The following TECRL variants were observed in gnomAD, a reference collection of about 807,000 sequenced individuals.
TECRL encodes the protein trans-2,3-enoyl-CoA reductase like, also known as trans-2,3-enoyl-CoA reductase-like.
In TECRL, 63 loss-of-function variants were observed where a neutral mutation model predicts 52.8. That is an observed-to-expected ratio of 1.19 (90% CI 0.97 to 1.47). TECRL has a LOEUF of 1.47. Ranked by LOEUF, TECRL falls within the 40% of genes most tolerant of loss-of-function variation. The probability of loss-of-function intolerance (pLI) is 0.00; values close to 1 mark genes in which losing one functional copy is unlikely to be tolerated. For synonymous variants in TECRL, 164 were observed against 141.9 expected, an observed-to-expected ratio of 1.16 and a Z score of -1.10; for missense variants, 482 against 429.6, an observed-to-expected ratio of 1.12 and a Z score of -1.08.
intron 2 of TECRL, among the ~76,000 whole-genome samples, chr4:64,336,298 G>A (rs559764669): frequency 5.8e-4 from 88 of 151,742 alleles, no homozygotes; most frequent in South Asian, 1.0e-3. Flanking sequence ...GTTTATTTGC[G>A]TAGAGGTGTT....
rs567557448 is a variant in TECRL, at chr4:64,406,165, C to CGCGT, written c.234+2952_234+2953insACGC. Reference sequence around the variant, plus strand: ...TTTGTTAGGCGCGCGCGCGCGCGCGCGTGTGTGTGTGTGTGTATGTGTGTA... The same window carrying CGCGT: ...TTTGTTAGGCGCGCGCGCGCGCGCGCGCGTGTGTGTGTGTGTGTGTATGTGTGTA... On this transcript the variant is annotated intron_variant, in intron 1 of 11. Transcript: ENST00000381210. 4.6e-3 allele frequency among the ~76,000 whole-genome samples: 676 copies of CGCGT among 146,152 alleles called. 2 individuals are homozygous for CGCGT. Among genetic ancestry groups the CGCGT allele is most frequent in the African/African-American group, 0.012 (465 of 39,282 alleles).
At chr4:64,289,622 G>T (rs1386556253) in intron 9 of TECRL, 88 bp downstream of exon 9, 1 of 1,037,054 alleles carries the variant, frequency 9.6e-7, no homozygotes. Context: ...TTGATATTTT[G>T]ATTTTTAAAG....
Position 64,373,743 on chromosome 4 carries a change from T to C in TECRL, c.286+1429A>G, listed in dbSNP as rs935118648. ...CATTTTCAAATGTCTTCCTACTTACTACTGTAATCTAAACTGTCTGGAGAC... is the reference window on the plus strand; with the variant it reads ...CATTTTCAAATGTCTTCCTACTTACCACTGTAATCTAAACTGTCTGGAGAC... On this transcript the variant is annotated intron_variant, in intron 2 of 11. Coordinates refer to ENST00000381210, the MANE Select transcript of TECRL (RefSeq NM_001010874.5). 6.6e-5 allele frequency among the ~76,000 whole-genome samples: 10 copies of C among 151,544 alleles called. No individual in the cohort carries two copies. In the South Asian group the frequency reaches 1.0e-3, roughly 16 times the overall value.
At chr4:64,404,071 G>A (rs113688489) in intron 1 of TECRL, among the ~76,000 whole-genome samples, 6,241 of 151,874 alleles carry the variant, frequency 0.041, 131 homozygotes, top group Non-Finnish European at 0.048. Flanking sequence ...GGTTACAAAG[G>A]TATAATTTGT....
chr4:64,304,382 G>A (rs562215953), intron 7 of TECRL, among the ~76,000 whole-genome samples: 1 of 151,902 alleles, frequency 6.6e-6, no homozygotes, highest in Admixed American at 6.6e-5. Flanking sequence ...CCTGAACATT[G>A]TAATTCTCTA....
At chr4:64,379,281 CACACACTT>C (rs1177657886) in intron 1 of TECRL, among the ~76,000 whole-genome samples, 5 of 148,866 alleles carry the variant, frequency 3.4e-5, no homozygotes, top group Admixed American at 2.0e-4. Flanking sequence ...CACACACACA[CACACACTT>C]GACCCTTGAA....
rs373311775 is a variant in TECRL, at chr4:64,297,034, G to A, written c.774+2940C>T. Among the ~76,000 whole-genome samples, 15 of 151,534 alleles carry A rather than the reference G, an allele frequency of 9.9e-5. No homozygotes were observed. The South Asian group carries it at 1.9e-3, about 19-fold the overall frequency. On this transcript the variant is annotated intron_variant, in intron 8 of 11. Coordinates refer to ENST00000381210, the MANE Select transcript of TECRL (RefSeq NM_001010874.5). ...ATAGACTATTTCTTTGGATATAATA[G>A]AGATAGAAAAAACCTCACCAAAATG...
intron 2 of TECRL, among the ~76,000 whole-genome samples, chr4:64,361,131 C>T (rs1471186760): frequency 6.6e-6 from 1 of 152,124 alleles, no homozygotes; most frequent in Non-Finnish European, 1.5e-5. Flanking sequence ...TGCAGCACAG[C>T]CTCAGCTTGT....
chr4:64,383,430 G>T (rs549767375), intron 1 of TECRL, among the ~76,000 whole-genome samples: 1 of 151,952 alleles, frequency 6.6e-6, no homozygotes, highest in East Asian at 1.9e-4. Flanking sequence ...CATATGTCAG[G>T]CAGGCTCTCT....
chr4:64,352,620 A>G (rs1314363730), intron 2 of TECRL, among the ~76,000 whole-genome samples: 1 of 152,172 alleles, frequency 6.6e-6, no homozygotes, highest in East Asian at 1.9e-4. Flanking sequence ...TGGCTAACTT[A>G]TATGTCTTTA....
chr4:64,378,352 G>C lies in TECRL; in HGVS notation c.235-3129C>G, dbSNP rs543280966. Among the ~76,000 whole-genome samples the C allele has an allele frequency of 4.6e-3, 694 of 152,108 alleles. 3 individuals are homozygous for C. Among genetic ancestry groups the C allele is most frequent in the Non-Finnish European group, 7.1e-3 (482 of 67,990 alleles). On this transcript the variant is annotated intron_variant, in intron 1 of 11. Transcript: ENST00000381210. ...AAACCAAGGCAGAAGGATCACTTGA[G>C]CCCAGGGCTTCAAGACGAGCCTGGG...
At chr4:64,357,194 C>A (rs1720833067) in intron 2 of TECRL, among the ~76,000 whole-genome samples, 1 of 151,768 alleles carries the variant, frequency 6.6e-6, no homozygotes. Flanking sequence ...AATAAATTAC[C>A]ACATTTCAAG....
At chr4:64,407,172 G>C (rs4860601) in intron 1 of TECRL, among the ~76,000 whole-genome samples, 97,279 of 151,646 alleles carry the variant, frequency 0.64, 34,099 homozygotes, top group Non-Finnish European at 0.79. Flanking sequence ...TTATATAGGG[G>C]TGATTGTGCA....
intron 4 of TECRL, among the ~76,000 whole-genome samples, chr4:64,321,122 T>C (rs1560497383): frequency 1.3e-5 from 2 of 152,064 alleles, no homozygotes; most frequent in Non-Finnish European, 2.9e-5. Context: ...TTAAAGTTTT[T>C]CACACAGAAA....
chr4:64,378,633 A>T (rs1337883571), intron 1 of TECRL, among the ~76,000 whole-genome samples: 1 of 152,136 alleles, frequency 6.6e-6, no homozygotes, highest in Non-Finnish European at 1.5e-5. Flanking sequence ...GATTGCTCAG[A>T]TAAGTAGATA....
At chr4:64,305,824 G>C (rs1560484874) in intron 6 of TECRL, among the ~76,000 whole-genome samples, 1 of 152,152 alleles carries the variant, frequency 6.6e-6, no homozygotes, top group African/African-American at 2.4e-5. Context: ...CCTTAGGGTA[G>C]AACCCACAAA....
chr4:64,305,107 A>C (rs1370636821), intron 7 of TECRL, 59 bp downstream of exon 7: 1 of 1,232,118 alleles, frequency 8.1e-7, no homozygotes, highest in East Asian at 2.4e-5. Context: ...TGTCATTTAG[A>C]ATAGAGTTTT....
intron 9 of TECRL, among the ~76,000 whole-genome samples, chr4:64,288,981 T>A (rs1006008187): frequency 1.3e-5 from 2 of 152,174 alleles, no homozygotes; most frequent in Non-Finnish European, 2.9e-5. Context: ...TCTTCAAGCA[T>A]CTGGACAACG....
intron 1 of TECRL, among the ~76,000 whole-genome samples, chr4:64,386,231 T>C (rs1723171520): frequency 6.6e-6 from 1 of 152,140 alleles, no homozygotes; most frequent in Non-Finnish European, 1.5e-5. Flanking sequence ...ATAAAGCATA[T>C]AATATGTATT....
Sources: allele counts gnomAD v4.1 joint callset (sites outside exome capture counted in the v4.1 genomes callset), GRCh38; gene constraint gnomAD v4.1.1; transcripts MANE v1.5; gene names NCBI Gene and HGNC (gene_info 2026-07-23, HGNC 2026-07-21).